The following CD58 variants were observed in gnomAD, a reference collection of about 807,000 sequenced individuals.
CD58 encodes the protein lymphocyte function-associated antigen 3.
Under a neutral mutation model 27.6 loss-of-function variants are expected in CD58, and 14 were observed. That is an observed-to-expected ratio of 0.51 (90% CI 0.34 to 0.79). The LOEUF (loss-of-function observed/expected upper bound fraction) is 0.79. Among genes scored for constraint, CD58 ranks in the 30% least tolerant of loss-of-function variants. The probability of loss-of-function intolerance (pLI) is 0.02; values close to 1 mark genes in which losing one functional copy is unlikely to be tolerated. For synonymous variants in CD58, 117 were observed against 103.8 expected (o/e 1.13, Z -0.77); for missense variants, 268 against 301.7 (o/e 0.89, Z 0.83).
In CD58 at chr1:116,521,875, C is replaced by A; in HGVS notation, c.706+31G>T. ...ACCTTTGGAAAACAATGCAAGTTTT[C>A]AAACTATTTTGTTTTAAAAAGCATA... On this transcript the variant is annotated intron_variant, in intron 4 of 5. Transcript: ENST00000369489. The surrounding 1 kb of genome is among the most constrained non-coding windows in gnomAD (Gnocchi z 5.6). 1 of 1,161,516 alleles carries A rather than the reference C, an allele frequency of 8.6e-7. No individual in the cohort carries two copies. Among genetic ancestry groups the A allele is most frequent in the South Asian group, 1.3e-5 (1 of 77,180 alleles). The allele number at this position is 1,161,516 out of a possible 1,614,324, so 72.0% of individuals were successfully genotyped here.
chr1:116,539,110 C>G (rs1193563789), intron 2 of CD58, among the ~76,000 whole-genome samples: 1 of 152,198 alleles, frequency 6.6e-6, no homozygotes, highest in East Asian at 1.9e-4. Context: ...AATGAGTTAA[C>G]ACAGATAATA....
At chr1:116,518,093 T>C (rs1657144059) in intron 5 of CD58, among the ~76,000 whole-genome samples, 1 of 152,244 alleles carries the variant, frequency 6.6e-6, no homozygotes, top group Non-Finnish European at 1.5e-5. Context: ...TATGCTATCA[T>C]TGTCATTTCT....
rs543908825 is a variant in CD58, at chr1:116,523,546, G to C, written c.629-1563C>G. On this transcript the variant is annotated intron_variant, in intron 3 of 5. Transcript: ENST00000369489. This position sits in a 1 kb window ranked among gnomAD's most constrained non-coding sequence, Gnocchi z 4.4. ...TGGCCAGAAACTGCTAGGTGCCCCC[G>C]AACATCATTTTCCCTTCTTTAGTAG... Among the ~76,000 whole-genome samples, 30 of 152,270 alleles carry C rather than the reference G, an allele frequency of 2.0e-4. No individual in the cohort carries two copies. The East Asian group carries it at 5.4e-3, about 27-fold the overall frequency.
In CD58 at chr1:116,546,712, A is replaced by G. The variant is rs1370014052; in HGVS notation, c.71-2108T>C. 6.6e-6 allele frequency among the ~76,000 whole-genome samples: 1 copy of G among 152,130 alleles called. No homozygotes were observed. Among genetic ancestry groups the G allele is most frequent in the Non-Finnish European group, 1.5e-5 (1 of 68,016 alleles). On this transcript the variant is annotated intron_variant, in intron 1 of 5. Coordinates refer to ENST00000369489, the MANE Select transcript of CD58 (RefSeq NM_001779.3). The surrounding 1 kb of genome is among the most constrained non-coding windows in gnomAD (Gnocchi z 4.1). ...CCTGGGCTTGAGAACAGTAGAAGAA[A>G]GTAGTCAGGAATGGAGCTAGTGGTG...
rs549654368 is a variant in CD58 at position 116,515,107 on chromosome 1, G to C, written c.744-285C>G. Among the ~76,000 whole-genome samples the C allele has an allele frequency of 1.3e-5, 2 of 152,320 alleles. No homozygotes were observed. The highest frequency in any genetic ancestry group is 4.1e-4 in the South Asian group (2 of 4,822). ...AGTATAACTGAAAGATTGAACAACA[G>C]AGCTGAGACTGTTAGACCCACATGT... On this transcript the variant is annotated intron_variant, in intron 5 of 5. Coordinates refer to ENST00000369489, the MANE Select transcript of CD58 (RefSeq NM_001779.3). The surrounding 1 kb of genome is among the most constrained non-coding windows in gnomAD (Gnocchi z 4.6).
intron 1 of CD58, among the ~76,000 whole-genome samples, chr1:116,545,361 CA>C (rs1165494636): frequency 6.6e-6 from 1 of 152,166 alleles, no homozygotes; most frequent in Non-Finnish European, 1.5e-5. Context: ...GAGCGGCTGA[CA>C]GGGGCCAGCA....
At chr1:116,560,625 G>C (rs1658722311) in intron 1 of CD58, among the ~76,000 whole-genome samples, 1 of 152,194 alleles carries the variant, frequency 6.6e-6, no homozygotes, top group Admixed American at 6.5e-5. Context: ...AGAAACTACA[G>C]ACTGGTCAGC....
rs556940972 is a variant in CD58 at position 116,550,650 on chromosome 1, T to C, written c.71-6046A>G. Among the ~76,000 whole-genome samples the C allele has an allele frequency of 6.6e-6, 1 of 152,334 alleles. No individual in the cohort carries two copies. Among genetic ancestry groups the C allele is most frequent in the East Asian group, 1.9e-4 (1 of 5,184 alleles). On this transcript the variant is annotated intron_variant, in intron 1 of 5. Transcript: ENST00000369489. This position sits in a 1 kb window ranked among gnomAD's most constrained non-coding sequence, Gnocchi z 4.2. ...TCTTCCAAACTCCTGTTAATGTTGA[T>C]ATTTTGATCTTCTCCCATGAACCAC... is the stretch of plus-strand genomic sequence containing the variant.
At chr1:116,547,543 A>C (rs1014161719) in intron 1 of CD58, among the ~76,000 whole-genome samples, 2 of 151,470 alleles carry the variant, frequency 1.3e-5, no homozygotes, top group Non-Finnish European at 2.9e-5. Flanking sequence ...GTTAGCCAGG[A>C]TGGTCTCGAT....
chr1:116,545,802 A>C (rs1237951105), intron 1 of CD58, among the ~76,000 whole-genome samples: 3 of 152,188 alleles, frequency 2.0e-5, no homozygotes, highest in Non-Finnish European at 4.4e-5. Flanking sequence ...TTAAACATTT[A>C]TTAGAACCAC....
chr1:116,536,802 T>A lies in CD58; in HGVS notation c.365-574A>T, dbSNP rs1657824627. On this transcript the variant is annotated intron_variant, in intron 2 of 5. Coordinates refer to ENST00000369489, the MANE Select transcript of CD58 (RefSeq NM_001779.3). The surrounding 1 kb of genome is among the most constrained non-coding windows in gnomAD (Gnocchi z 5.4). Reference sequence around the variant, plus strand: ...ACCAATACAGGCCCCAAATCCCTTATCCTCAATTCTTAAATCAAAAAATCT... The same window carrying A: ...ACCAATACAGGCCCCAAATCCCTTAACCTCAATTCTTAAATCAAAAAATCT... Among the ~76,000 whole-genome samples the A allele has an allele frequency of 6.6e-6, 1 of 152,170 alleles. No individual in the cohort carries two copies.
intron 1 of CD58, among the ~76,000 whole-genome samples, chr1:116,555,868 G>C (rs1658541464): frequency 6.6e-6 from 1 of 152,138 alleles, no homozygotes; most frequent in Non-Finnish European, 1.5e-5. Context: ...CTCAGGGCCT[G>C]AGATTCAGAT....
chr1:116,530,676 T>C lies in CD58; in HGVS notation c.628+5289A>G, dbSNP rs755279856. Among the ~76,000 whole-genome samples the C allele has an allele frequency of 2.0e-4, 31 of 152,238 alleles. No homozygotes were observed. In the Middle Eastern group the frequency reaches 0.01, roughly 50 times the overall value. ...AGCATTGGAAAGTTTAGATGAGAAA[T>C]CAAAACCTGAAAAAGTAAGATCTAG... On this transcript the variant is annotated intron_variant, in intron 3 of 5. Coordinates refer to ENST00000369489, the MANE Select transcript of CD58 (RefSeq NM_001779.3).
chr1:116,522,964 A>G lies in CD58; in HGVS notation c.629-981T>C, dbSNP rs993783494. On this transcript the variant is annotated intron_variant, in intron 3 of 5. Coordinates refer to ENST00000369489, the MANE Select transcript of CD58 (RefSeq NM_001779.3). This position sits in a 1 kb window ranked among gnomAD's most constrained non-coding sequence, Gnocchi z 4.6. ...GCCTCCATTTTCTCACAGGGTAACTATACTCGAGACTAATAAATATACTTA... is the reference window on the plus strand; with the variant it reads ...GCCTCCATTTTCTCACAGGGTAACTGTACTCGAGACTAATAAATATACTTA... Among the ~76,000 whole-genome samples the G allele has an allele frequency of 3.3e-5, 5 of 152,236 alleles. No homozygotes were observed. Among genetic ancestry groups the G allele is most frequent in the African/African-American group, 1.2e-4 (5 of 41,460 alleles).
chr1:116,542,512 T>C (rs757321206), intron 2 of CD58, among the ~76,000 whole-genome samples: 1 of 152,230 alleles, frequency 6.6e-6, no homozygotes, highest in Non-Finnish European at 1.5e-5. Flanking sequence ...GGGATCAGAA[T>C]AAGTGAATAT....
At position 116,522,955 on chromosome 1, in the gene CD58, A is replaced by G. The variant is rs1405842360; in HGVS notation, c.629-972T>C. Among the ~76,000 whole-genome samples the G allele has an allele frequency of 2.0e-5, 3 of 152,208 alleles. No homozygotes were observed. Among genetic ancestry groups the G allele is most frequent in the Admixed American group, 6.5e-5 (1 of 15,288 alleles). ...CCTCTCAGTGCCTCCATTTTCTCAC[A>G]GGGTAACTATACTCGAGACTAATAA... On this transcript the variant is annotated intron_variant, in intron 3 of 5. Transcript: ENST00000369489. This position sits in a 1 kb window ranked among gnomAD's most constrained non-coding sequence, Gnocchi z 4.6.
intron 2 of CD58, among the ~76,000 whole-genome samples, chr1:116,537,958 G>T (rs928150161): frequency 3.9e-5 from 6 of 152,154 alleles, no homozygotes; most frequent in African/African-American, 1.4e-4. Flanking sequence ...TGTTTTCTAA[G>T]ACAAGTTAAT....
At position 116,559,177 on chromosome 1, in the gene CD58, G is replaced by A. The variant is rs1200839781; in HGVS notation, c.70+11726C>T. Among the ~76,000 whole-genome samples, 2 of 152,188 alleles carry A rather than the reference G, an allele frequency of 1.3e-5. No homozygotes were observed. Among genetic ancestry groups the A allele is most frequent in the African/African-American group, 2.4e-5 (1 of 41,450 alleles). Reference sequence around the variant, plus strand: ...GGGGGGCAGTCATAAGTTGGCATCTGAGCAGAGTCCAGAAAAGCAGGGGAG... The same window carrying A: ...GGGGGGCAGTCATAAGTTGGCATCTAAGCAGAGTCCAGAAAAGCAGGGGAG... On this transcript the variant is annotated intron_variant, in intron 1 of 5. Transcript: ENST00000369489. This position sits in a 1 kb window ranked among gnomAD's most constrained non-coding sequence, Gnocchi z 4.4.
rs931611190 is a variant in CD58, at chr1:116,536,446, G to A, written c.365-218C>T. 6.6e-6 allele frequency among the ~76,000 whole-genome samples: 1 copy of A among 152,012 alleles called. No individual in the cohort carries two copies. The highest frequency in any genetic ancestry group is 1.5e-5 in the Non-Finnish European group (1 of 68,010). On this transcript the variant is annotated intron_variant, in intron 2 of 5. Coordinates refer to ENST00000369489, the MANE Select transcript of CD58 (RefSeq NM_001779.3). This position sits in a 1 kb window ranked among gnomAD's most constrained non-coding sequence, Gnocchi z 5.4. The stretch of plus-strand genomic sequence containing the variant: ...CAGACCCTGATATGGTTTGGCTCTG[G>A]GTCCTCACCCAAATCTCATCTTGAA...
Sources: gnomAD v4.1 joint callset for allele counts (sites outside exome capture counted in the v4.1 genomes callset) on GRCh38, gnomAD v4.1.1 for gene constraint, Gnocchi (gnomAD v3.1) non-coding constraint, MANE v1.5 for transcripts, NCBI Gene and HGNC (gene_info 2026-07-23, HGNC 2026-07-21) for gene names.